PTPRM: variants seen among roughly 807,000 people sequenced by gnomAD.
PTPRM encodes receptor-type tyrosine-protein phosphatase mu.
A neutral mutation model predicts 186.7 loss-of-function variants in PTPRM; 47 were observed. That is an observed-to-expected ratio of 0.25 (90% CI 0.20 to 0.32). PTPRM has a LOEUF of 0.32. Among genes scored for constraint, PTPRM ranks in the 10% least tolerant of loss-of-function variants. The probability of loss-of-function intolerance (pLI) is 1.00; values close to 1 mark genes in which losing one functional copy is unlikely to be tolerated. For missense variants in PTPRM, 1,494 were observed against 1,865.0 expected (o/e 0.80, Z 3.66); for synonymous variants, 668 against 674.9 (o/e 0.99, Z 0.16).
intron 2 of PTPRM, among the ~76,000 whole-genome samples, chr18:7,778,659 TAGTAG>T (rs1235888559): frequency 3.3e-5 from 5 of 152,054 alleles, no homozygotes; most frequent in African/African-American, 4.8e-5. Flanking sequence ...TTTGTATTTT[TAGTAG>T]AGACGAGGTT....
intron 14 of PTPRM, among the ~76,000 whole-genome samples, chr18:8,218,527 A>G (rs1237369523): frequency 6.6e-6 from 1 of 152,238 alleles, no homozygotes; most frequent in East Asian, 1.9e-4. Context: ...CAATTAGTTT[A>G]TAACTGTCTA....
At chr18:7,615,346 C>G (rs28728381) in intron 1 of PTPRM, among the ~76,000 whole-genome samples, 5,086 of 152,098 alleles carry the variant, frequency 0.033, 285 homozygotes, top group African/African-American at 0.12. Context: ...CTTAGTTTTG[C>G]ATACACACAT....
intron 1 of PTPRM, among the ~76,000 whole-genome samples, chr18:7,633,422 T>A (rs2038237949): frequency 6.6e-6 from 1 of 152,152 alleles, no homozygotes; most frequent in Non-Finnish European, 1.5e-5. Flanking sequence ...TTTCACATCC[T>A]TTCTGGTTTC....
At chr18:8,240,332 A>T (rs1004262761) in intron 14 of PTPRM, among the ~76,000 whole-genome samples, 2 of 151,436 alleles carry the variant, frequency 1.3e-5, no homozygotes, top group African/African-American at 4.9e-5. Context: ...GCTACTGGGG[A>T]GGCTGAGGTA....
chr18:7,720,245 A>G (rs1452588364), intron 1 of PTPRM, among the ~76,000 whole-genome samples: 1 of 152,172 alleles, frequency 6.6e-6, no homozygotes, highest in African/African-American at 2.4e-5. Flanking sequence ...ATATAAAATA[A>G]ACGTACAAAA....
chr18:7,772,676 T>C (rs1194830764), intron 1 of PTPRM, among the ~76,000 whole-genome samples: 1 of 152,050 alleles, frequency 6.6e-6, no homozygotes, highest in Non-Finnish European at 1.5e-5. Context: ...AGTTGTACAG[T>C]TGACCTAAGC....
intron 3 of PTPRM, among the ~76,000 whole-genome samples, chr18:7,898,683 A>G (rs572403891): frequency 3.3e-5 from 5 of 152,300 alleles, no homozygotes; most frequent in Middle Eastern, 3.4e-3. Context: ...CTGAAATGCT[A>G]TTAGTTGAGA....
At chr18:7,756,593 A>C (rs2041503389) in intron 1 of PTPRM, among the ~76,000 whole-genome samples, 2 of 152,228 alleles carry the variant, frequency 1.3e-5, no homozygotes, top group Admixed American at 6.5e-5. Context: ...TGTGCCTTTT[A>C]GTAGAGATGC....
chr18:8,358,184 CT>C (rs1350525405), intron 23 of PTPRM, among the ~76,000 whole-genome samples: 1 of 151,468 alleles, frequency 6.6e-6, no homozygotes, highest in African/African-American at 2.4e-5. Context: ...GACTAGATCT[CT>C]TTTACAATTT....
At chr18:7,580,674 A>G (rs550838489) in intron 1 of PTPRM, among the ~76,000 whole-genome samples, 1 of 152,334 alleles carries the variant, frequency 6.6e-6, no homozygotes, top group South Asian at 2.1e-4. Flanking sequence ...CCATTTACAA[A>G]TAAAAGCTTG....
intron 1 of PTPRM, among the ~76,000 whole-genome samples, chr18:7,756,901 G>A (rs1210633284): frequency 6.6e-6 from 1 of 152,170 alleles, no homozygotes; most frequent in South Asian, 2.1e-4. Context: ...ATGTGGCAGT[G>A]TAATAGTCTC....
intron 1 of PTPRM, among the ~76,000 whole-genome samples, chr18:7,651,588 A>G (rs1727036062): frequency 6.6e-6 from 1 of 152,040 alleles, no homozygotes; most frequent in Non-Finnish European, 1.5e-5. Flanking sequence ...AGCCCTCAGA[A>G]ATAATGCCGC....
At chr18:8,189,887 T>C (rs1179772637) in intron 14 of PTPRM, among the ~76,000 whole-genome samples, 1 of 152,258 alleles carries the variant, frequency 6.6e-6, no homozygotes, top group Non-Finnish European at 1.5e-5. Flanking sequence ...CATCAGTCTT[T>C]CTCTGCAGTC....
At chr18:7,752,347 A>T (rs962203943) in intron 1 of PTPRM, among the ~76,000 whole-genome samples, 20 of 152,132 alleles carry the variant, frequency 1.3e-4, no homozygotes, top group African/African-American at 4.6e-4. Context: ...GGCCTCGAAT[A>T]TATTCTTTTT....
chr18:7,681,171 T>C (rs768403666), intron 1 of PTPRM, among the ~76,000 whole-genome samples: 46 of 152,028 alleles, frequency 3.0e-4, no homozygotes, highest in Non-Finnish European at 5.9e-4. Flanking sequence ...TAGTTCATAT[T>C]TTAATATGAA....
At chr18:8,209,493 G>A (rs184526418) in intron 14 of PTPRM, among the ~76,000 whole-genome samples, 14 of 152,238 alleles carry the variant, frequency 9.2e-5, no homozygotes, top group Non-Finnish European at 1.5e-4. Flanking sequence ...AGGTCCGGGT[G>A]GGAGATGAGG....
chr18:7,712,824 A>AG (rs1483692249), intron 1 of PTPRM, among the ~76,000 whole-genome samples: 1 of 152,106 alleles, frequency 6.6e-6, no homozygotes, highest in Non-Finnish European at 1.5e-5. Flanking sequence ...TAGAGAAAAA[A>AG]GAATGAAAAG....
intron 2 of PTPRM, among the ~76,000 whole-genome samples, chr18:7,804,631 C>A (rs2044143275): frequency 6.6e-6 from 1 of 152,104 alleles, no homozygotes; most frequent in African/African-American, 2.4e-5. Flanking sequence ...TGTCTATGTT[C>A]TGTCAAATTT....
chr18:8,205,590 G>C (rs145440323), intron 14 of PTPRM, among the ~76,000 whole-genome samples: 1 of 152,148 alleles, frequency 6.6e-6, no homozygotes, highest in Non-Finnish European at 1.5e-5. Context: ...GGAATGATAC[G>C]TTATGCTTGA....
Sources: allele counts gnomAD v4.1 joint callset (sites outside exome capture counted in the v4.1 genomes callset), GRCh38; gene constraint gnomAD v4.1.1; transcripts MANE v1.5; gene names NCBI Gene and HGNC (gene_info 2026-07-23, HGNC 2026-07-21).